Variants in GAD1 observed in about 807,000 individuals in gnomAD.
GAD1 encodes the protein glutamate decarboxylase 1.
GAD1 carries 35 observed loss-of-function variants against 75.2 expected under a neutral mutation model. That is an observed-to-expected ratio of 0.47 (90% CI 0.36 to 0.62). GAD1 has a LOEUF of 0.62. Ranked by LOEUF, GAD1 falls within the 20% of genes least tolerant of loss-of-function variation. The probability of loss-of-function intolerance (pLI) is 0.00; values close to 1 mark genes in which losing one functional copy is unlikely to be tolerated. For synonymous variants in GAD1, 257 were observed against 271.9 expected, an observed-to-expected ratio of 0.95 and a Z score of 0.54; for missense variants, 490 against 758.5, an observed-to-expected ratio of 0.65 and a Z score of 4.16.
chr2:170,843,621 T>C (rs1044366826), intron 6 of GAD1, among the ~76,000 whole-genome samples: 1 of 72,470 alleles, frequency 1.4e-5, no homozygotes, highest in Non-Finnish European at 3.0e-5. Context: ...GCAGTCAGCT[T>C]TTTTTTTTTT....
At chr2:170,858,034 A>C (rs910111198) in intron 15 of GAD1, among the ~76,000 whole-genome samples, 1 of 145,914 alleles carries the variant, frequency 6.9e-6, no homozygotes. Context: ...AACACATGTG[A>C]ATCACCAAAT....
intron 2 of GAD1, 189 bp from the exon 3 acceptor site, chr2:170,821,898 T>G: frequency 3.3e-6 from 2 of 605,116 alleles, no homozygotes; most frequent in South Asian, 2.0e-5. Flanking sequence ...AGGAAGGGAG[T>G]ATGATGGGGG....
Position 170,847,675 on chromosome 2 carries a change from G to A in GAD1, c.1003-1G>A. 6.3e-7 allele frequency: 1 copy of A among 1,599,362 alleles called. No individual in the cohort carries two copies. The highest frequency in any genetic ancestry group is 8.6e-7 in the Non-Finnish European group (1 of 1,166,554). ...CAGCCTATATCTGTCTTACCTTGTAGGGATATGTTCCCTTTTATGTCAATG... is the reference window on the plus strand; with the variant it reads ...CAGCCTATATCTGTCTTACCTTGTAAGGATATGTTCCCTTTTATGTCAATG... On this transcript the variant is annotated splice_acceptor_variant, in intron 10 of 16. Coordinates refer to ENST00000358196, the MANE Select transcript of GAD1 (RefSeq NM_000817.3). LOFTEE classifies it high-confidence loss of function.
chr2:170,823,186 G>A (rs1435908589), intron 3 of GAD1, among the ~76,000 whole-genome samples: 1 of 152,190 alleles, frequency 6.6e-6, no homozygotes, highest in Non-Finnish European at 1.5e-5. Flanking sequence ...AGAGCCATCC[G>A]TCAGCTCCTG....
At chr2:170,842,565 T>C (rs1702540717) in intron 6 of GAD1, 2 of 1,613,692 alleles carry the variant, frequency 1.2e-6, no homozygotes, top group South Asian at 1.1e-5. Flanking sequence ...TCTTCCTTTA[T>C]CAGGCCATCA....
chr2:170,844,093 A>C lies in GAD1; in HGVS notation c.687A>C (p.Thr229=). The C allele has an allele frequency of 6.2e-7, 1 of 1,611,472 alleles. No homozygotes were observed. Among genetic ancestry groups the C allele is most frequent in the Non-Finnish European group, 8.5e-7 (1 of 1,177,664 alleles). The change falls in exon 7 of 17, where the codon ACA becomes ACC. Residue 229 remains threonine (T), a synonymous_variant. Transcript: ENST00000358196. ...TGTTTGTCCTCATGGAACAAATAAC[A>C]CTTAAGAAGATGAGAGAGATAGTTG... ...APVFVLMEQI[T]LKKMREIVGW...
intron 12 of GAD1, chr2:170,852,406 T>A (rs1702761980): frequency 2.4e-6 from 1 of 410,560 alleles, no homozygotes; most frequent in Non-Finnish European, 4.6e-6. Context: ...ACAGTTTGGC[T>A]CCAAAGCCTG....
chr2:170,825,923 G>A (rs1559270455), intron 3 of GAD1, among the ~76,000 whole-genome samples: 1 of 152,132 alleles, frequency 6.6e-6, no homozygotes, highest in African/African-American at 2.4e-5. Context: ...CTTCTTACAG[G>A]ACCCCTTGCT....
intron 6 of GAD1, among the ~76,000 whole-genome samples, chr2:170,837,458 T>C (rs145681307): frequency 8.3e-4 from 127 of 152,340 alleles, no homozygotes; most frequent in African/African-American, 2.8e-3. Flanking sequence ...TTCTTGAAAA[T>C]TTACACAAAA....
At chr2:170,850,720 G>C (rs1273275392) in intron 12 of GAD1, among the ~76,000 whole-genome samples, 1 of 152,160 alleles carries the variant, frequency 6.6e-6, no homozygotes, top group Non-Finnish European at 1.5e-5. Flanking sequence ...TAACTCGGAG[G>C]ATAATGTAAA....
In GAD1 at chr2:170,818,846, G is replaced by A. The variant is rs1001066832; in HGVS notation, c.82+173G>A. Among the ~76,000 whole-genome samples the A allele has an allele frequency of 6.6e-6, 1 of 152,176 alleles. No homozygotes were observed. The highest frequency in any genetic ancestry group is 6.5e-5 in the Admixed American group (1 of 15,284). On this transcript the variant is annotated intron_variant, in intron 2 of 16. Coordinates refer to ENST00000358196, the MANE Select transcript of GAD1 (RefSeq NM_000817.3). The surrounding 1 kb of genome is among the most constrained non-coding windows in gnomAD (Gnocchi z 5.9). The stretch of plus-strand genomic sequence containing the variant: ...CAGAGGTCATTCGGCTGTCAGGGAC[G>A]CTAGGTGACTCCCAGGGCACCGGAA...
chr2:170,846,372 A>G (rs1253352570), intron 10 of GAD1, among the ~76,000 whole-genome samples: 1 of 152,216 alleles, frequency 6.6e-6, no homozygotes, highest in Non-Finnish European at 1.5e-5. Context: ...GCCTAATTGA[A>G]CTTTTTATTT....
chr2:170,819,713 T>C (rs1701813033), intron 2 of GAD1, among the ~76,000 whole-genome samples: 1 of 152,140 alleles, frequency 6.6e-6, no homozygotes, highest in Non-Finnish European at 1.5e-5. Context: ...TTCTGAGATG[T>C]AATTAATTGT....
intron 5 of GAD1, among the ~76,000 whole-genome samples, chr2:170,835,365 T>C (rs1286156821): frequency 1.3e-5 from 2 of 152,220 alleles, no homozygotes; most frequent in Non-Finnish European, 2.9e-5. Flanking sequence ...AAATAATTCT[T>C]TCCTTCTCCC....
intron 3 of GAD1, among the ~76,000 whole-genome samples, chr2:170,826,207 A>G (rs886272503): frequency 6.6e-5 from 10 of 152,206 alleles, no homozygotes; most frequent in Non-Finnish European, 1.3e-4. Flanking sequence ...TACAGGATTT[A>G]GAGAGGATTC....
chr2:170,829,164 G>A, intron 3 of GAD1: 2 of 419,820 alleles, frequency 4.8e-6, no homozygotes, highest in Non-Finnish European at 4.5e-6. Flanking sequence ...TCCTGGGGCT[G>A]GTCACTGGAG....
At position 170,853,049 on chromosome 2, in the gene GAD1, A is replaced by C; in HGVS notation, c.1263+257A>C. 1 of 549,578 alleles carries C rather than the reference A, an allele frequency of 1.8e-6. No homozygotes were observed. The highest frequency in any genetic ancestry group is 2.1e-5 in the South Asian group (1 of 48,010). 34.0% of individuals were successfully genotyped at this position (549,578 alleles called of 1,614,324 possible). A position where few individuals can be genotyped will look rare whatever the true frequency, so the allele number is the denominator to read the frequency against. ...ACTGAACCTTTAAGGAAATTATTTA[A>C]TTGAGTATTCCTTCATGTTTGCACA... is the stretch of plus-strand genomic sequence containing the variant. On this transcript the variant is annotated intron_variant, in intron 13 of 16. Coordinates refer to ENST00000358196, the MANE Select transcript of GAD1 (RefSeq NM_000817.3). The surrounding 1 kb of genome is among the most constrained non-coding windows in gnomAD (Gnocchi z 4.1).
chr2:170,828,907 CCTCTGCTGTCCTCACCCCTCCTCATCT>C (rs1156469843), intron 3 of GAD1: 3 of 205,526 alleles, frequency 1.5e-5, no homozygotes, highest in Non-Finnish European at 3.0e-5. Flanking sequence ...CACTCTCCTT[CCTCTGCTGTCCTCACCCCTCCTCATCT>C]CTCTGCTGTC....
chr2:170,860,100 G>T lies in GAD1; in HGVS notation c.*218G>T, dbSNP rs1256211763. On this transcript the variant is annotated 3_prime_UTR_variant, in exon 17 of 17. Coordinates refer to ENST00000358196, the MANE Select transcript of GAD1 (RefSeq NM_000817.3). ...TGCACATTAGGAACAGAGTATATAT[G>T]TACAGTTATACATACCTCTCTCTAT... 1.2e-5 allele frequency: 7 copies of T among 563,716 alleles called. No individual in the cohort carries two copies. The highest frequency in any genetic ancestry group is 5.6e-5 in the African/African-American group (3 of 53,172). 34.9% of individuals were successfully genotyped at this position (563,716 alleles called of 1,614,324 possible). A position where few individuals can be genotyped will look rare whatever the true frequency, so the allele number is the denominator to read the frequency against.
Sources: gnomAD v4.1 joint callset for allele counts (sites outside exome capture counted in the v4.1 genomes callset) on GRCh38, gnomAD v4.1.1 for gene constraint, Gnocchi (gnomAD v3.1) non-coding constraint, MANE v1.5 for transcripts, NCBI Gene and HGNC (gene_info 2026-07-23, HGNC 2026-07-21) for gene names.